The following ZDHHC14 variants were observed in gnomAD, a reference collection of about 807,000 sequenced individuals.
ZDHHC14 encodes the protein zDHHC palmitoyltransferase 14.
Under a neutral mutation model 47.7 loss-of-function variants are expected in ZDHHC14, and 16 were observed. The ratio of observed to expected loss-of-function variants is 0.34; its 90% CI spans 0.23 to 0.51. The LOEUF (loss-of-function observed/expected upper bound fraction) is 0.51, where lower values mean the gene tolerates loss of function less well. Among genes scored for constraint, ZDHHC14 ranks in the 20% least tolerant of loss-of-function variants. ZDHHC14 has a pLI of 0.97. For missense variants in ZDHHC14, 515 were observed against 662.5 expected, an observed-to-expected ratio of 0.78 and a Z score of 2.44; for synonymous variants, 293 against 278.9, an observed-to-expected ratio of 1.05 and a Z score of -0.50.
chr6:157,665,565 T>A (rs1190941154), intron 8 of ZDHHC14, among the ~76,000 whole-genome samples: 1 of 152,208 alleles, frequency 6.6e-6, no homozygotes, highest in Non-Finnish European at 1.5e-5. Context: ...TCTTGAATGA[T>A]AGAAGACGTG....
In ZDHHC14 at chr6:157,645,751, T is replaced by G. The variant is rs569523764; in HGVS notation, c.767T>G (p.Val256Gly). The change falls in exon 6 of 9, where the codon GTG (valine) becomes GGG (glycine). Residue 256 changes from valine (V) to glycine (G), a missense_variant. By Grantham distance (109) the Val-to-Gly change is moderately radical. Coordinates refer to ENST00000359775, the MANE Select transcript of ZDHHC14 (RefSeq NM_024630.3). ...ACTCGCATCACCGTCCTGGAGGCTGTGGTGTGCTTCTTCTCTGTCTGGTCC... is the reference window on the plus strand; with the variant it reads ...ACTCGCATCACCGTCCTGGAGGCTGGGGTGTGCTTCTTCTCTGTCTGGTCC... ...KDSPASVLEA[V>G]VCFFSVWSIV... 39 of 1,614,016 alleles carry G rather than the reference T, an allele frequency of 2.4e-5. No homozygotes were observed. In the South Asian group the frequency reaches 4.0e-4, roughly 16 times the overall value.
At chr6:157,382,753 C>A (rs945688606) in intron 1 of ZDHHC14, among the ~76,000 whole-genome samples, 1 of 152,196 alleles carries the variant, frequency 6.6e-6, no homozygotes. Context: ...GTAACTTCGA[C>A]GAATAATTGA....
chr6:157,567,103 C>T (rs138571173), intron 2 of ZDHHC14, among the ~76,000 whole-genome samples: 71 of 152,154 alleles, frequency 4.7e-4, no homozygotes, highest in African/African-American at 1.4e-3. Context: ...CCATCTGCCT[C>T]GGCTTCCCAA....
intron 3 of ZDHHC14, among the ~76,000 whole-genome samples, chr6:157,603,744 T>C (rs1026578421): frequency 1.3e-5 from 2 of 152,164 alleles, no homozygotes; most frequent in Non-Finnish European, 2.9e-5. Context: ...TCAGGTCTCC[T>C]CAAATGTTTT....
intron 1 of ZDHHC14, among the ~76,000 whole-genome samples, chr6:157,434,750 A>G (rs1394285337): frequency 6.6e-6 from 1 of 152,090 alleles, no homozygotes; most frequent in Non-Finnish European, 1.5e-5. Context: ...GAGGAGCCGG[A>G]CTTTTAACAA....
At chr6:157,456,595 T>C (rs1487617985) in intron 1 of ZDHHC14, among the ~76,000 whole-genome samples, 1 of 152,196 alleles carries the variant, frequency 6.6e-6, no homozygotes, top group Non-Finnish European at 1.5e-5. Flanking sequence ...ACCATGTTTC[T>C]CCCTGGCAGT....
Position 157,542,672 on chromosome 6 carries a change from C to A in ZDHHC14, c.333C>A (p.Arg111=). ...LFFFVMGTLL[R]TSFSDPGVLP... ...TCTTTGTGATGGGGACCCTGCTCCG[C>A]ACCAGCTTCAGCGACCCCGGAGTCC... Residue 111 remains arginine (R), a synonymous_variant, in exon 2 of 9, where the codon CGC becomes CGA. Coordinates refer to ENST00000359775, the MANE Select transcript of ZDHHC14 (RefSeq NM_024630.3). 2.5e-6 allele frequency: 4 copies of A among 1,614,158 alleles called. No homozygotes were observed. Among genetic ancestry groups the A allele is most frequent in the Non-Finnish European group, 3.4e-6 (4 of 1,180,040 alleles).
intron 1 of ZDHHC14, among the ~76,000 whole-genome samples, chr6:157,426,654 T>A (rs182087151): frequency 6.6e-6 from 1 of 151,894 alleles, no homozygotes; most frequent in Non-Finnish European, 1.5e-5. Flanking sequence ...TGGGAGAAGG[T>A]GGAAGAGCCG....
At chr6:157,640,340 C>G (rs994915624) in intron 5 of ZDHHC14, among the ~76,000 whole-genome samples, 1 of 152,134 alleles carries the variant, frequency 6.6e-6, no homozygotes, top group Non-Finnish European at 1.5e-5. Context: ...GTTTTCATCC[C>G]CAAGTTGCAT....
chr6:157,644,876 A>C (rs990179782), intron 5 of ZDHHC14, among the ~76,000 whole-genome samples: 4 of 152,206 alleles, frequency 2.6e-5, no homozygotes, highest in Non-Finnish European at 5.9e-5. Flanking sequence ...CATTTGTGGG[A>C]CAGAAAAAGT....
At chr6:157,659,195 G>T (rs149331743) in intron 8 of ZDHHC14, among the ~76,000 whole-genome samples, 2,957 of 152,338 alleles carry the variant, frequency 0.019, 48 homozygotes, top group Non-Finnish European at 0.03. Flanking sequence ...AAACTGGAGG[G>T]GAAGAGAAGA....
intron 1 of ZDHHC14, among the ~76,000 whole-genome samples, chr6:157,424,014 T>C (rs1336577832): frequency 2.0e-5 from 3 of 152,210 alleles, no homozygotes; most frequent in Non-Finnish European, 4.4e-5. Context: ...ACTTGTCCCA[T>C]CCAAAGCTTC....
chr6:157,392,724 T>C (rs192604239), intron 1 of ZDHHC14, among the ~76,000 whole-genome samples: 111 of 152,184 alleles, frequency 7.3e-4, no homozygotes, highest in African/African-American at 2.6e-3. Flanking sequence ...AGCTGATCTT[T>C]AATTTAGGTC....
At chr6:157,505,867 G>C (rs1319260986) in intron 1 of ZDHHC14, among the ~76,000 whole-genome samples, 1 of 152,232 alleles carries the variant, frequency 6.6e-6, no homozygotes, top group Admixed American at 6.5e-5. Context: ...ATTTGGAAGG[G>C]CAAGAAAATC....
intron 1 of ZDHHC14, among the ~76,000 whole-genome samples, chr6:157,536,603 C>T (rs1282714059): frequency 6.6e-6 from 1 of 152,138 alleles, no homozygotes. Context: ...ATCCATGTTT[C>T]TTATCCAAAT....
intron 1 of ZDHHC14, among the ~76,000 whole-genome samples, chr6:157,396,006 C>G (rs1199054812): frequency 1.3e-5 from 2 of 151,994 alleles, no homozygotes; most frequent in Non-Finnish European, 2.9e-5. Context: ...TGATTTAGGT[C>G]TGCTTTTGCC....
intron 2 of ZDHHC14, among the ~76,000 whole-genome samples, chr6:157,585,722 C>T (rs1783669164): frequency 2.0e-5 from 3 of 152,252 alleles, no homozygotes; most frequent in Admixed American, 2.0e-4. Flanking sequence ...AACAGCGGGG[C>T]TCCCTGAGGT....
chr6:157,467,614 A>G (rs2114821895), intron 1 of ZDHHC14, among the ~76,000 whole-genome samples: 1 of 151,596 alleles, frequency 6.6e-6, no homozygotes, highest in South Asian at 2.1e-4. Context: ...CAGTGACATG[A>G]TCTTGGCTCA....
intron 1 of ZDHHC14, among the ~76,000 whole-genome samples, chr6:157,391,008 G>A (rs1209843884): frequency 6.6e-6 from 1 of 152,144 alleles, no homozygotes; most frequent in Non-Finnish European, 1.5e-5. Context: ...CAGGCCACTA[G>A]TGTGTGTGAG....
Sources: allele counts gnomAD v4.1 joint callset (sites outside exome capture counted in the v4.1 genomes callset), GRCh38; gene constraint gnomAD v4.1.1; transcripts MANE v1.5; gene names NCBI Gene and HGNC (gene_info 2026-07-23, HGNC 2026-07-21).